Variants in ATXN10 observed in about 807,000 individuals in gnomAD.
ATXN10 encodes ataxin-10.
In ATXN10, 28 loss-of-function variants were observed where a neutral mutation model predicts 52.9. The ratio of observed to expected loss-of-function variants is 0.53; its 90% CI spans 0.39 to 0.73. The LOEUF (loss-of-function observed/expected upper bound fraction) is 0.73. Among genes scored for constraint, ATXN10 ranks in the 30% least tolerant of loss-of-function variants. ATXN10 has a pLI of 0.00. For synonymous variants in ATXN10, 226 were observed against 221.5 expected (o/e 1.02, Z -0.18); for missense variants, 565 against 577.0 (o/e 0.98, Z 0.21).
intron 6 of ATXN10, 106 bp from the exon 7 acceptor site, chr22:45,729,319 G>A (rs956404882): frequency 2.6e-6 from 3 of 1,156,434 alleles, no homozygotes; most frequent in African/African-American, 3.1e-5. Context: ...AGCAAGGTAA[G>A]GAATTTAAAA....
At chr22:45,729,848 A>G (rs768790358) in intron 7 of ATXN10, 5 of 481,664 alleles carry the variant, frequency 1.0e-5, no homozygotes, top group Non-Finnish European at 1.5e-5. Flanking sequence ...ACAGACGTAG[A>G]CATGTGCACA....
At chr22:45,697,792 A>G (rs112084393) in intron 3 of ATXN10, among the ~76,000 whole-genome samples, 2,513 of 151,980 alleles carry the variant, frequency 0.017, 54 homozygotes, top group African/African-American at 0.048. Flanking sequence ...CACCACGCCC[A>G]GCTAATTTTT....
In ATXN10 at chr22:45,715,777, G is replaced by A. The variant is rs1239026343; in HGVS notation, c.648-2636G>A. Among the ~76,000 whole-genome samples, 1 of 152,138 alleles carries A rather than the reference G, an allele frequency of 6.6e-6. No homozygotes were observed. The highest frequency in any genetic ancestry group is 2.4e-5 in the African/African-American group (1 of 41,424). ...TCATGTTCACTAAGGTAGACCATAG[G>A]CTGGCCTGTACAAAAGTTTCAGTAA... is the stretch of plus-strand genomic sequence containing the variant. On this transcript the variant is annotated intron_variant, in intron 5 of 11. Coordinates refer to ENST00000252934, the MANE Select transcript of ATXN10 (RefSeq NM_013236.4). This position sits in a 1 kb window ranked among gnomAD's most constrained non-coding sequence, Gnocchi z 4.4.
chr22:45,763,494 A>T lies in ATXN10; in HGVS notation c.1173+22956A>T, dbSNP rs911254385. Among the ~76,000 whole-genome samples the T allele has an allele frequency of 6.6e-6, 1 of 152,124 alleles. No homozygotes were observed. Among genetic ancestry groups the T allele is most frequent in the African/African-American group, 2.4e-5 (1 of 41,418 alleles). ...CTCCTCTCCCCAGCCCCAGGTCTGC[A>T]GAGTGTGTGGCTGCTGCACCCTCAG... is the stretch of plus-strand genomic sequence containing the variant. On this transcript the variant is annotated intron_variant, in intron 9 of 11. Coordinates refer to ENST00000252934, the MANE Select transcript of ATXN10 (RefSeq NM_013236.4). The surrounding 1 kb of genome is among the most constrained non-coding windows in gnomAD (Gnocchi z 6.9).
intron 9 of ATXN10, among the ~76,000 whole-genome samples, chr22:45,785,774 A>T (rs1250594691): frequency 1.3e-5 from 2 of 152,226 alleles, no homozygotes; most frequent in Non-Finnish European, 2.9e-5. Context: ...TGAGAGTCAG[A>T]GACAGTCCTG....
At position 45,833,871 on chromosome 22, in the gene ATXN10, G is replaced by C. The variant is rs151208215; in HGVS notation, c.1238-9120G>C. The stretch of plus-strand genomic sequence containing the variant: ...ACACTTAGCAGCGATACGGCATCGC[G>C]ATCAGGGGAGCGGATGCCAGAGCCT... On this transcript the variant is annotated intron_variant, in intron 10 of 11. Coordinates refer to ENST00000252934, the MANE Select transcript of ATXN10 (RefSeq NM_013236.4). This position sits in a 1 kb window ranked among gnomAD's most constrained non-coding sequence, Gnocchi z 4.3. 6.6e-6 allele frequency among the ~76,000 whole-genome samples: 1 copy of C among 152,168 alleles called. No individual in the cohort carries two copies. The highest frequency in any genetic ancestry group is 1.5e-5 in the Non-Finnish European group (1 of 68,026).
Position 45,708,680 on chromosome 22 carries a change from C to T in ATXN10, c.647+5833C>T, listed in dbSNP as rs951249800. Among the ~76,000 whole-genome samples the T allele has an allele frequency of 2.0e-5, 3 of 152,162 alleles. No individual in the cohort carries two copies. Among genetic ancestry groups the T allele is most frequent in the Admixed American group, 6.5e-5 (1 of 15,276 alleles). On this transcript the variant is annotated intron_variant, in intron 5 of 11. Transcript: ENST00000252934. This position sits in a 1 kb window ranked among gnomAD's most constrained non-coding sequence, Gnocchi z 5.3. ...TTTGAGACAGAGTCTCACTCTGTTGCCCAGGCTGGAGTGCAGTGGTGTGAT... is the reference window on the plus strand; with the variant it reads ...TTTGAGACAGAGTCTCACTCTGTTGTCCAGGCTGGAGTGCAGTGGTGTGAT...
At chr22:45,720,477 C>T (rs575589316) in intron 6 of ATXN10, among the ~76,000 whole-genome samples, 35 of 152,222 alleles carry the variant, frequency 2.3e-4, no homozygotes, top group Admixed American at 2.0e-3. Flanking sequence ...GCTGGGAGTA[C>T]GGGTGTGGGT....
chr22:45,812,134 C>G (rs1928302742), intron 10 of ATXN10, among the ~76,000 whole-genome samples: 1 of 152,132 alleles, frequency 6.6e-6, no homozygotes, highest in African/African-American at 2.4e-5. Flanking sequence ...TGCTTCACAC[C>G]CAGCGTTCTG....
rs1200018828 is a variant in ATXN10, at chr22:45,733,868, A to G, written c.894+4278A>G. ...TTTCTTTTCAAAGGTCTTTTTTTGTATATACACACCTATATGTTTTTTGTT... is the reference window on the plus strand; with the variant it reads ...TTTCTTTTCAAAGGTCTTTTTTTGTGTATACACACCTATATGTTTTTTGTT... On this transcript the variant is annotated intron_variant, in intron 7 of 11. Coordinates refer to ENST00000252934, the MANE Select transcript of ATXN10 (RefSeq NM_013236.4). The surrounding 1 kb of genome is among the most constrained non-coding windows in gnomAD (Gnocchi z 4.4). 1.4e-5 allele frequency among the ~76,000 whole-genome samples: 2 copies of G among 145,010 alleles called. No homozygotes were observed. Among genetic ancestry groups the G allele is most frequent in the African/African-American group, 5.1e-5 (2 of 39,316 alleles).
Position 45,784,326 on chromosome 22 carries a change from G to A in ATXN10, c.1174-22633G>A, listed in dbSNP as rs776449071. ...TATTTTCTACCTTGCAAAACCATTAGGAATACCAAATATTTGCATGGAAGA... is the reference window on the plus strand; with the variant it reads ...TATTTTCTACCTTGCAAAACCATTAAGAATACCAAATATTTGCATGGAAGA... On this transcript the variant is annotated intron_variant, in intron 9 of 11. Coordinates refer to ENST00000252934, the MANE Select transcript of ATXN10 (RefSeq NM_013236.4). The surrounding 1 kb of genome is among the most constrained non-coding windows in gnomAD (Gnocchi z 4.2). Among the ~76,000 whole-genome samples, 3 of 152,082 alleles carry A rather than the reference G, an allele frequency of 2.0e-5. No homozygotes were observed. Among genetic ancestry groups the A allele is most frequent in the African/African-American group, 4.8e-5 (2 of 41,396 alleles).
intron 7 of ATXN10, among the ~76,000 whole-genome samples, chr22:45,735,499 A>G (rs1019303923): frequency 5.3e-5 from 8 of 152,024 alleles, no homozygotes; most frequent in East Asian, 1.9e-4. Context: ...GATGTTAACA[A>G]CTGGAGAAGG....
rs141688124 is a variant in ATXN10 at position 45,820,884 on chromosome 22, G to A, written c.1237+13862G>A. ...CCTGTGCTGTGAAAGAGCCTCAGTG[G>A]TGGACAGAAGCCAGGGAAAAGCACG... is the stretch of plus-strand genomic sequence containing the variant. On this transcript the variant is annotated intron_variant, in intron 10 of 11. Transcript: ENST00000252934. This position sits in a 1 kb window ranked among gnomAD's most constrained non-coding sequence, Gnocchi z 4.9. 6.6e-6 allele frequency among the ~76,000 whole-genome samples: 1 copy of A among 152,216 alleles called. No individual in the cohort carries two copies. Among genetic ancestry groups the A allele is most frequent in the Non-Finnish European group, 1.5e-5 (1 of 68,038 alleles).
rs978030475 is a variant in ATXN10 at position 45,763,695 on chromosome 22, G to T, written c.1173+23157G>T. Among the ~76,000 whole-genome samples, 2 of 152,192 alleles carry T rather than the reference G, an allele frequency of 1.3e-5. No individual in the cohort carries two copies. The highest frequency in any genetic ancestry group is 4.8e-5 in the African/African-American group (2 of 41,456). ...CAGGTCAGACTGTCTTCATATGCATGCATTTACAGGCACATTTGTGGTTGG... is the reference window on the plus strand; with the variant it reads ...CAGGTCAGACTGTCTTCATATGCATTCATTTACAGGCACATTTGTGGTTGG... On this transcript the variant is annotated intron_variant, in intron 9 of 11. Coordinates refer to ENST00000252934, the MANE Select transcript of ATXN10 (RefSeq NM_013236.4). The surrounding 1 kb of genome is among the most constrained non-coding windows in gnomAD (Gnocchi z 6.9).
intron 1 of ATXN10, 112 bp downstream of exon 1, chr22:45,672,291 G>A (rs953619972): frequency 8.9e-7 from 1 of 1,128,574 alleles, no homozygotes; most frequent in African/African-American, 1.7e-5. Flanking sequence ...GACGCGGAGG[G>A]CGAGGCCTGC....
At chr22:45,830,116 A>G (rs555312763) in intron 10 of ATXN10, among the ~76,000 whole-genome samples, 2 of 152,358 alleles carry the variant, frequency 1.3e-5, no homozygotes, top group Non-Finnish European at 2.9e-5. Flanking sequence ...CATTCAGTGG[A>G]GAAAGCGCAG....
intron 10 of ATXN10, among the ~76,000 whole-genome samples, chr22:45,810,043 T>C (rs1928230225): frequency 6.6e-6 from 1 of 152,244 alleles, no homozygotes; most frequent in African/African-American, 2.4e-5. Flanking sequence ...TTGAATGCTT[T>C]ATAGTTTTAC....
intron 9 of ATXN10, among the ~76,000 whole-genome samples, chr22:45,776,716 G>A (rs1472222255): frequency 3.3e-5 from 5 of 152,090 alleles, no homozygotes; most frequent in African/African-American, 1.2e-4. Context: ...TTGCTGCATT[G>A]CTATAAACAC....
chr22:45,693,846 C>T (rs567493217), intron 3 of ATXN10, among the ~76,000 whole-genome samples: 10 of 152,242 alleles, frequency 6.6e-5, no homozygotes, highest in Admixed American at 2.0e-4. Flanking sequence ...GGCCAAGGAG[C>T]GAGACCTCAG....
Sources: gnomAD v4.1 joint callset for allele counts (sites outside exome capture counted in the v4.1 genomes callset) on GRCh38, gnomAD v4.1.1 for gene constraint, Gnocchi (gnomAD v3.1) non-coding constraint, MANE v1.5 for transcripts, NCBI Gene and HGNC (gene_info 2026-07-23, HGNC 2026-07-21) for gene names.